The following KLRD1 variants were observed in gnomAD, a reference collection of about 807,000 sequenced individuals.
The protein encoded by KLRD1 is killer cell lectin like receptor D1.
KLRD1 carries 21 observed loss-of-function variants against 22.6 expected under a neutral mutation model. The ratio of observed to expected loss-of-function variants is 0.93; its 90% CI spans 0.66 to 1.34. The LOEUF is 1.34. Ranked by LOEUF, KLRD1 falls within the 40% of genes most tolerant of loss-of-function variation. The probability of loss-of-function intolerance (pLI) is 0.00; values close to 1 mark genes in which losing one functional copy is unlikely to be tolerated. For missense variants in KLRD1, 183 were observed against 208.6 expected (o/e 0.88, Z 0.76); for synonymous variants, 59 against 71.1 (o/e 0.83, Z 0.85).
upstream of KLRD1, among the ~76,000 whole-genome samples, chr12:10,307,465 A>G (rs1233615841): frequency 1.3e-5 from 2 of 152,158 alleles, no homozygotes; most frequent in Non-Finnish European, 2.9e-5. Context: ...TTAGCTCTGT[A>G]TGCCTCAGTT....
At position 10,323,205 on chromosome 12, in the gene KLRD1, C is replaced by A. The variant is rs1275635654; in HGVS notation, c.*8412C>A. Reference sequence around the variant, plus strand: ...AGGAGTTGAATTTCTAAGTCATAAGCTGTCATATATTTAGGCCCTTTAGTT... The same window carrying A: ...AGGAGTTGAATTTCTAAGTCATAAGATGTCATATATTTAGGCCCTTTAGTT... On this transcript the variant is annotated 3_prime_UTR_variant, in exon 6 of 6. Coordinates refer to ENST00000336164, the MANE Select transcript of KLRD1 (RefSeq NM_002262.5). 6.6e-6 allele frequency: 1 copy of A among 152,060 alleles called. No individual in the cohort carries two copies. The highest frequency in any genetic ancestry group is 1.5e-5 in the Non-Finnish European group (1 of 68,012). 9.4% of individuals were successfully genotyped at this position (152,060 alleles called of 1,614,324 possible).
chr12:10,269,658 C>G (rs1170051325), intron 1 of KLRD1, among the ~76,000 whole-genome samples: 1 of 151,968 alleles, frequency 6.6e-6, no homozygotes, highest in Non-Finnish European at 1.5e-5. Flanking sequence ...ATATTCTTTT[C>G]TATACTAAAA....
At chr12:10,278,218 C>T (rs1296901638) in intron 1 of KLRD1, among the ~76,000 whole-genome samples, 3 of 152,208 alleles carry the variant, frequency 2.0e-5, no homozygotes, top group Non-Finnish European at 4.4e-5. Flanking sequence ...CGTTGAGCCT[C>T]ACTCTGTGTG....
At chr12:10,277,100 G>A (rs371942283) in intron 1 of KLRD1, among the ~76,000 whole-genome samples, 2 of 143,544 alleles carry the variant, frequency 1.4e-5, no homozygotes, top group African/African-American at 5.2e-5. Flanking sequence ...AAAGGCAAAT[G>A]TTGGCCTCAC....
At chr12:10,289,642 G>GT (rs1357314520) in intron 1 of KLRD1, among the ~76,000 whole-genome samples, 3 of 152,158 alleles carry the variant, frequency 2.0e-5, no homozygotes, top group African/African-American at 7.2e-5. Flanking sequence ...GGAATTGGTA[G>GT]TTGCTTTGGT....
At chr12:10,281,532 A>G (rs1949642869) in intron 1 of KLRD1, among the ~76,000 whole-genome samples, 1 of 152,120 alleles carries the variant, frequency 6.6e-6, no homozygotes. Flanking sequence ...GTGCAGGTTC[A>G]TTGCCCATGT....
chr12:10,246,928 C>CTTTTTTTTTTTTTTTTTTTTTTTT (rs1208226436), intron 1 of KLRD1, among the ~76,000 whole-genome samples: 2 of 129,686 alleles, frequency 1.5e-5, no homozygotes, highest in African/African-American at 5.9e-5. Flanking sequence ...CTTTTCTTTT[C>CTTTTTTTTTTTTTTTTTTTTTTTT]TTTTCTTTTT....
chr12:10,243,734 C>G (rs532301240), intron 1 of KLRD1, among the ~76,000 whole-genome samples: 1 of 150,930 alleles, frequency 6.6e-6, no homozygotes. Flanking sequence ...AATGAGCCAT[C>G]GAACTAGGAT....
intron 1 of KLRD1, among the ~76,000 whole-genome samples, chr12:10,242,247 A>G (rs114530122): frequency 0.026 from 3,901 of 152,070 alleles, 169 homozygotes; most frequent in African/African-American, 0.09. Context: ...TGAATTGTCA[A>G]TGTCAAGCTG....
At chr12:10,312,989 C>CAA (rs199987639) in intron 4 of KLRD1, among the ~76,000 whole-genome samples, 1 of 145,390 alleles carries the variant, frequency 6.9e-6, no homozygotes, top group Non-Finnish European at 1.5e-5. Flanking sequence ...TCCCTCTCAA[C>CAA]AAAAAGAAAA....
rs1205097117 is a variant in KLRD1, at chr12:10,324,211, T to C, written c.*9418T>C. 5.9e-5 allele frequency: 9 copies of C among 152,200 alleles called. No individual in the cohort carries two copies. Among genetic ancestry groups the C allele is most frequent in the Non-Finnish European group, 1.0e-4 (7 of 68,050 alleles). 9.4% of individuals were successfully genotyped at this position (152,200 alleles called of 1,614,324 possible). On this transcript the variant is annotated 3_prime_UTR_variant, in exon 6 of 6. Coordinates refer to ENST00000336164, the MANE Select transcript of KLRD1 (RefSeq NM_002262.5). ...TTCTGATCCTTGAGTAAAGTATGTT[T>C]CTTGTACCTCAATATGCTTAATTTT...
rs762654208 is a variant in KLRD1, at chr12:10,311,612, A to G, written c.312A>G (p.Glu104=). Residue 104 remains glutamate, a synonymous_variant, in exon 4 of 6, where the codon GAA becomes GAG. Coordinates refer to ENST00000336164, the MANE Select transcript of KLRD1 (RefSeq NM_002262.5). ...SSLLQLQNTD[E]LDFMSSSQQF... ...TGCTTCAGCTTCAAAACACAGATGA[A>G]CTGGCATGTGCTGAGTCTGATTTTC... 1 of 1,614,052 alleles carries G rather than the reference A, an allele frequency of 6.2e-7. No individual in the cohort carries two copies. Among genetic ancestry groups the G allele is most frequent in the Admixed American group, 1.7e-5 (1 of 60,014 alleles).
chr12:10,243,606 CCA>C (rs1949261323), intron 1 of KLRD1, among the ~76,000 whole-genome samples: 1 of 10,478 alleles, frequency 9.5e-5, no homozygotes, highest in African/African-American at 5.3e-4. Flanking sequence ...GAGTGAGACT[CCA>C]AAAAAAAAAA....
rs1303238191 is a variant in KLRD1, at chr12:10,317,727, A to G, written c.*2934A>G. 1.3e-5 allele frequency: 2 copies of G among 152,186 alleles called. No homozygotes were observed. The highest frequency in any genetic ancestry group is 4.8e-5 in the African/African-American group (2 of 41,444). 9.4% of individuals were successfully genotyped at this position (152,186 alleles called of 1,614,324 possible). On this transcript the variant is annotated 3_prime_UTR_variant, in exon 6 of 6. Coordinates refer to ENST00000336164, the MANE Select transcript of KLRD1 (RefSeq NM_002262.5). ...CGTTGCTCACCCACAACATTAGTGT[A>G]TTAGTCCGTTCTTATGCTGCTACTA...
chr12:10,299,582 AT>A (rs1243396949), upstream of KLRD1, among the ~76,000 whole-genome samples: 59 of 152,208 alleles, frequency 3.9e-4, no homozygotes, highest in African/African-American at 1.2e-3. Flanking sequence ...AAAAAATGCT[AT>A]TGATCATCTA....
At chr12:10,257,232 C>A (rs74062136) in intron 1 of KLRD1, among the ~76,000 whole-genome samples, 2,258 of 143,876 alleles carry the variant, frequency 0.016, 55 homozygotes, top group African/African-American at 0.054. Flanking sequence ...ATTTATGCTA[C>A]TTGGACTTCA....
At chr12:10,273,353 G>A (rs541926280) in intron 1 of KLRD1, among the ~76,000 whole-genome samples, 1 of 152,144 alleles carries the variant, frequency 6.6e-6, no homozygotes, top group Non-Finnish European at 1.5e-5. Context: ...AATAGAATAA[G>A]ATTATATGTC....
At chr12:10,313,018 TCTC>T (rs1355253157) in intron 4 of KLRD1, among the ~76,000 whole-genome samples, 2 of 151,752 alleles carry the variant, frequency 1.3e-5, no homozygotes, top group East Asian at 1.9e-4. Context: ...GCGAAAAACT[TCTC>T]CTGCTGCACG....
chr12:10,306,545 C>T (rs1188584483), upstream of KLRD1, among the ~76,000 whole-genome samples: 2 of 152,060 alleles, frequency 1.3e-5, no homozygotes, highest in African/African-American at 2.4e-5. Flanking sequence ...TAAAAGCAAA[C>T]CCCTAATCTC....
Sources: gnomAD v4.1 joint callset for allele counts (sites outside exome capture counted in the v4.1 genomes callset) on GRCh38, gnomAD v4.1.1 for gene constraint, MANE v1.5 for transcripts, NCBI Gene and HGNC (gene_info 2026-07-23, HGNC 2026-07-21) for gene names.